CHCHD3: variants seen among roughly 807,000 people sequenced by gnomAD.
CHCHD3 encodes the protein coiled-coil-helix-coiled-coil-helix domain containing 3, also known as MICOS complex subunit MIC19.
Under a neutral mutation model 38.2 loss-of-function variants are expected in CHCHD3, and 20 were observed. That is an observed-to-expected ratio of 0.52 (90% CI 0.37 to 0.76). The LOEUF is 0.76. Ranked by LOEUF, CHCHD3 falls within the 30% of genes least tolerant of loss-of-function variation. CHCHD3 has a pLI of 0.00. For missense variants in CHCHD3, 245 were observed against 279.2 expected, an observed-to-expected ratio of 0.88 and a Z score of 0.87; for synonymous variants, 82 against 100.0, an observed-to-expected ratio of 0.82 and a Z score of 1.07.
chr7:132,815,076 A>G (rs980736907), intron 6 of CHCHD3, among the ~76,000 whole-genome samples: 24 of 152,224 alleles, frequency 1.6e-4, no homozygotes, highest in Non-Finnish European at 1.5e-4. Context: ...AATGAAATAA[A>G]GCAATGAGAG....
chr7:132,906,327 C>T (rs578141173), intron 4 of CHCHD3, among the ~76,000 whole-genome samples: 2 of 152,174 alleles, frequency 1.3e-5, no homozygotes, highest in East Asian at 3.9e-4. Flanking sequence ...TCTAACCGAA[C>T]AAAAAAGCCT....
intron 4 of CHCHD3, among the ~76,000 whole-genome samples, chr7:132,913,653 T>TA (rs907638069): frequency 2.6e-5 from 4 of 152,234 alleles, no homozygotes; most frequent in Non-Finnish European, 4.4e-5. Context: ...CATGATTTCT[T>TA]ACCACATCAT....
intron 4 of CHCHD3, among the ~76,000 whole-genome samples, chr7:132,897,778 G>A (rs574322099): frequency 2.6e-5 from 4 of 152,342 alleles, no homozygotes; most frequent in African/African-American, 4.8e-5. Context: ...AAATCCACCT[G>A]TATACTATGT....
intron 4 of CHCHD3, among the ~76,000 whole-genome samples, chr7:132,958,558 T>C (rs913848706): frequency 6.6e-6 from 1 of 152,240 alleles, no homozygotes; most frequent in African/African-American, 2.4e-5. Context: ...CTCATGATAT[T>C]AAATACTCTG....
chr7:132,814,807 G>A (rs1807156525), intron 6 of CHCHD3, among the ~76,000 whole-genome samples: 1 of 152,168 alleles, frequency 6.6e-6, no homozygotes, highest in African/African-American at 2.4e-5. Flanking sequence ...TGGTACTAGA[G>A]GTATGTAATG....
intron 4 of CHCHD3, among the ~76,000 whole-genome samples, chr7:132,912,036 GC>G (rs1228928766): frequency 6.6e-6 from 1 of 152,112 alleles, no homozygotes; most frequent in East Asian, 1.9e-4. Context: ...AAACCAGAAA[GC>G]TGCCCTATTC....
chr7:132,838,986 T>G (rs1479742992), intron 5 of CHCHD3, among the ~76,000 whole-genome samples: 1 of 150,838 alleles, frequency 6.6e-6, no homozygotes, highest in Non-Finnish European at 1.5e-5. Context: ...AGGTCAGGAG[T>G]TCAAGACCAG....
chr7:132,916,640 G>C (rs1810113256), intron 4 of CHCHD3, among the ~76,000 whole-genome samples: 1 of 152,190 alleles, frequency 6.6e-6, no homozygotes, highest in East Asian at 1.9e-4. Flanking sequence ...GAATGCAGTG[G>C]TGGAATCATG....
Position 132,838,278 on chromosome 7 carries a change from AAAACTCTTCCAAGT to A in CHCHD3, c.524+107_524+120del, listed in dbSNP as rs1308619672. ...ACATGGCCCCCATCTCAACCACCCCAAAACTCTTCCAAGTATTCTAGAGTGCTATATAACAAACT... is the reference window on the plus strand; with the variant it reads ...ACATGGCCCCCATCTCAACCACCCCAATTCTAGAGTGCTATATAACAAACT... On this transcript the variant is annotated intron_variant, in intron 6 of 7. Coordinates refer to ENST00000262570, the MANE Select transcript of CHCHD3 (RefSeq NM_017812.4). 6.5e-6 allele frequency: 4 copies of A among 617,956 alleles called. No homozygotes were observed. The Admixed American group carries it at 9.3e-5, about 14-fold the overall frequency. 38.3% of individuals were successfully genotyped at this position (617,956 alleles called of 1,614,324 possible). A position where few individuals can be genotyped will look rare whatever the true frequency, so the allele number is the denominator to read the frequency against.
chr7:132,858,315 A>C (rs942522319), intron 5 of CHCHD3, among the ~76,000 whole-genome samples: 13 of 152,040 alleles, frequency 8.6e-5, no homozygotes, highest in Admixed American at 7.9e-4. Context: ...CACCTGCTTC[A>C]GCCTCCCAAA....
At chr7:132,858,535 C>A (rs1007868437) in intron 5 of CHCHD3, among the ~76,000 whole-genome samples, 1 of 152,208 alleles carries the variant, frequency 6.6e-6, no homozygotes. Flanking sequence ...CATCCTAATT[C>A]TCTGATATCA....
intron 2 of CHCHD3, among the ~76,000 whole-genome samples, chr7:133,051,199 T>A (rs1814153503): frequency 6.6e-6 from 1 of 152,136 alleles, no homozygotes; most frequent in Admixed American, 6.5e-5. Context: ...ACTGACAAGG[T>A]TCTTGTAAGC....
At chr7:133,013,439 T>C (rs539423512) in intron 3 of CHCHD3, among the ~76,000 whole-genome samples, 4 of 152,224 alleles carry the variant, frequency 2.6e-5, no homozygotes, top group African/African-American at 4.8e-5. Context: ...ACCTGCCCCA[T>C]AGGGCTGCTA....
intron 5 of CHCHD3, among the ~76,000 whole-genome samples, chr7:132,839,558 A>G (rs1474491679): frequency 6.6e-6 from 1 of 152,260 alleles, no homozygotes; most frequent in Admixed American, 6.5e-5. Flanking sequence ...ACAATACGGT[A>G]GTCTATTGTG....
At chr7:132,984,879 G>A (rs1413921110) in intron 3 of CHCHD3, among the ~76,000 whole-genome samples, 2 of 92,062 alleles carry the variant, frequency 2.2e-5, no homozygotes, top group African/African-American at 4.0e-5. Context: ...CCGGCCAGCC[G>A]CCCCATCCGG....
chr7:132,990,691 G>A (rs906584819), intron 3 of CHCHD3, among the ~76,000 whole-genome samples: 3 of 152,190 alleles, frequency 2.0e-5, no homozygotes, highest in Non-Finnish European at 2.9e-5. Flanking sequence ...CAAGGGACAC[G>A]TTTTTGCCAG....
intron 7 of CHCHD3, among the ~76,000 whole-genome samples, chr7:132,795,261 A>G (rs1806577462): frequency 6.6e-6 from 1 of 152,234 alleles, no homozygotes; most frequent in Admixed American, 6.5e-5. Context: ...GTTCATATTC[A>G]TATTGAAGGC....
At chr7:132,973,863 T>C in intron 4 of CHCHD3, 1 of 1,164,628 alleles carries the variant, frequency 8.6e-7, no homozygotes, top group Non-Finnish European at 1.1e-6. Context: ...CAGTTCAAAG[T>C]TCTCCATTCC....
intron 3 of CHCHD3, among the ~76,000 whole-genome samples, chr7:132,984,351 G>T (rs1288596186): frequency 1.5e-4 from 22 of 151,600 alleles, no homozygotes; most frequent in African/African-American, 1.9e-4. Context: ...AGACGGAGTC[G>T]CGTTCACTCA....
Sources: gnomAD v4.1 joint callset for allele counts (sites outside exome capture counted in the v4.1 genomes callset) on GRCh38, gnomAD v4.1.1 for gene constraint, MANE v1.5 for transcripts, NCBI Gene and HGNC (gene_info 2026-07-23, HGNC 2026-07-21) for gene names.